Variants in RFC2 observed in about 807,000 individuals in gnomAD.
The protein encoded by RFC2 is replication factor C subunit 2.
RFC2 carries 34 observed loss-of-function variants against 44.8 expected under a neutral mutation model. The observed-to-expected ratio is 0.76, with a 90% CI of 0.58 to 1.01. The LOEUF (loss-of-function observed/expected upper bound fraction) is 1.01, where lower values mean the gene tolerates loss of function less well. Ranked by LOEUF, RFC2 falls within the 50% of genes least tolerant of loss-of-function variation. The probability of loss-of-function intolerance (pLI) is 0.00; values close to 1 mark genes in which losing one functional copy is unlikely to be tolerated. For synonymous variants in RFC2, 177 were observed against 168.9 expected (o/e 1.05, Z -0.37); for missense variants, 400 against 453.6 (o/e 0.88, Z 1.07).
chr7:74,249,908 T>TA, intron 2 of RFC2, 128 bp from the exon 3 acceptor site: 1 of 812,714 alleles, frequency 1.2e-6, no homozygotes, highest in Non-Finnish European at 2.1e-6. Flanking sequence ...CCTGTAATCC[T>TA]AGCAGTTTGG....
intron 5 of RFC2, 62 bp downstream of exon 5, chr7:74,246,600 G>A (rs1803625357): frequency 4.3e-6 from 5 of 1,154,162 alleles, no homozygotes. Context: ...TATCCTGATT[G>A]AATAAAACCG....
rs1045904140 is a variant in RFC2 at position 74,238,265 on chromosome 7, T to C, written c.759+658A>G. ...TAAGAAACAGCTATAGGCTGAAAGC[T>C]TGGACAGCCCTTCCCAGTTTCTTCC... On this transcript the variant is annotated intron_variant, in intron 8 of 10. Transcript: ENST00000055077. The surrounding 1 kb of genome is among the most constrained non-coding windows in gnomAD (Gnocchi z 4.0). 1.3e-5 allele frequency among the ~76,000 whole-genome samples: 2 copies of C among 152,146 alleles called. No homozygotes were observed. Among genetic ancestry groups the C allele is most frequent in the Admixed American group, 1.3e-4 (2 of 15,264 alleles).
chr7:74,252,640 G>T, intron 1 of RFC2, 142 bp from the exon 2 acceptor site: 1 of 641,284 alleles, frequency 1.6e-6, no homozygotes. Flanking sequence ...AGTTTTAAAT[G>T]TAATAAGATG....
chr7:74,252,480 T>A lies in RFC2; in HGVS notation c.132A>T (p.Pro44=). 4.4e-6 allele frequency: 7 copies of A among 1,603,984 alleles called. No homozygotes were observed. The highest frequency in any genetic ancestry group is 6.0e-6 in the Non-Finnish European group (7 of 1,171,208). The change falls in exon 2 of 11, where the codon CCA becomes CCT. Residue 44 remains proline, a synonymous_variant. Transcript: ENST00000055077. Reference sequence around the variant, plus strand: ...TCCCGACAATTTCATTCAGCTTTACTGGCCTATATTTTTCAACCCTGTTAA... The same window carrying A: ...TCCCGACAATTTCATTCAGCTTTACAGGCCTATATTTTTCAACCCTGTTAA... ...YELPWVEKYR[P]VKLNEIVGNE...
At chr7:74,252,542 A>T in intron 1 of RFC2, 44 bp from the exon 2 acceptor site, 3 of 1,135,176 alleles carry the variant, frequency 2.6e-6, no homozygotes, top group Non-Finnish European at 4.0e-6. Flanking sequence ...TTATCTTCAC[A>T]CTACCCCACA....
At chr7:74,249,811 A>C (rs1554720762) in intron 2 of RFC2, 31 bp from the exon 3 acceptor site, 2 of 1,598,088 alleles carry the variant, frequency 1.3e-6, no homozygotes, top group Non-Finnish European at 1.7e-6. Flanking sequence ...AAAACCGGTT[A>C]AAACTTGCTT....
Position 74,246,776 on chromosome 7 carries a change from C to T in RFC2, c.333-13G>A. ...AACGTCAATGCCCCTGAAAGAATGA[C>T]AGGTTTTTACTGGCACCTTCTGAGA... is the stretch of plus-strand genomic sequence containing the variant. On this transcript the variant is annotated splice_polypyrimidine_tract_variant and intron_variant, in intron 4 of 10. Transcript: ENST00000055077. 2 of 1,576,206 alleles carry T rather than the reference C, an allele frequency of 1.3e-6. No individual in the cohort carries two copies. Among genetic ancestry groups the T allele is most frequent in the Non-Finnish European group, 1.7e-6 (2 of 1,147,164 alleles).
chr7:74,239,798 C>T (rs1289260865), intron 7 of RFC2, 140 bp downstream of exon 7: 12 of 764,072 alleles, frequency 1.6e-5, no homozygotes, highest in African/African-American at 3.5e-5. Flanking sequence ...AGCTAGACAG[C>T]CCACTGTCCC....
At position 74,232,118 on chromosome 7, in the gene RFC2, C is replaced by T. The variant is rs1171076584; in HGVS notation, c.1053G>A (p.Pro351=). 26 of 1,603,440 alleles carry T rather than the reference C, an allele frequency of 1.6e-5. No individual in the cohort carries two copies. Among genetic ancestry groups the T allele is most frequent in the South Asian group, 1.1e-4 (10 of 90,856 alleles). ...LARLCQKTMA[P]VAS is the part of the protein sequence containing the mutation. ...TGAAGTCTCTGCTCTAACTGGCCAC[C>T]GGGGCCATTGTCTTCTGACACAGCC... The change falls in exon 11 of 11, where the codon CCG becomes CCA. Residue 351 remains proline, a synonymous_variant. Transcript: ENST00000055077.
chr7:74,246,975 C>CT (rs539672967), intron 4 of RFC2, among the ~76,000 whole-genome samples: 260 of 135,014 alleles, frequency 1.9e-3, no homozygotes, highest in Non-Finnish European at 2.1e-3. Context: ...AAAATATACA[C>CT]TTTTTTTTTT....
chr7:74,254,366 G>A lies in RFC2; in HGVS notation c.18C>T (p.Val6=), dbSNP rs1474895213. 4 of 1,607,082 alleles carry A rather than the reference G, an allele frequency of 2.5e-6. No homozygotes were observed. The highest frequency in any genetic ancestry group is 3.4e-6 in the Non-Finnish European group (4 of 1,176,802). MEVEA[V]CGGAGEVEAQ... is the part of the protein sequence containing the mutation. ...CCTCCACCTCGCCCGCGCCACCACAGACGGCCTCCACCTCCATTCTCGCGC... is the reference window on the plus strand; with the variant it reads ...CCTCCACCTCGCCCGCGCCACCACAAACGGCCTCCACCTCCATTCTCGCGC... The change falls in exon 1 of 11, where the codon GTC becomes GTT. Residue 6 remains valine (V), a synonymous_variant. Transcript: ENST00000055077.
intron 10 of RFC2, chr7:74,234,014 C>T (rs1802873178): frequency 9.4e-6 from 4 of 426,616 alleles, no homozygotes; most frequent in South Asian, 5.0e-5. Context: ...CAAATGTTTA[C>T]ACTGGCTTTA....
Position 74,238,669 on chromosome 7 carries a change from A to C in RFC2, c.759+254T>G, listed in dbSNP as rs1217585400. 1.3e-5 allele frequency among the ~76,000 whole-genome samples: 2 copies of C among 152,008 alleles called. No homozygotes were observed. The highest frequency in any genetic ancestry group is 2.9e-5 in the Non-Finnish European group (2 of 68,000). On this transcript the variant is annotated intron_variant, in intron 8 of 10. Coordinates refer to ENST00000055077, the MANE Select transcript of RFC2 (RefSeq NM_181471.3). The surrounding 1 kb of genome is among the most constrained non-coding windows in gnomAD (Gnocchi z 4.0). ...AATAAGACACGTCAGAAATTGCTCG[A>C]CCCTGGGTCTGATGCATCCGTGGTC...
intron 2 of RFC2, among the ~76,000 whole-genome samples, chr7:74,251,372 G>C (rs1163361531): frequency 1.3e-5 from 2 of 151,930 alleles, no homozygotes; most frequent in East Asian, 3.9e-4. Flanking sequence ...AAATTTTTTC[G>C]TAGAGACTGG....
rs369863681 is a variant in RFC2 at position 74,254,350 on chromosome 7, C to T, written c.34G>A (p.Glu12Lys). 15 of 1,609,714 alleles carry T rather than the reference C, an allele frequency of 9.3e-6. No individual in the cohort carries two copies. The African/African-American group carries it at 1.7e-4, about 19-fold the overall frequency. The change falls in exon 1 of 11, where the codon GAG (glutamate) becomes AAG (lysine). Residue 12 changes from glutamate (E) to lysine (K), a missense_variant. Glu to Lys is a moderately conservative substitution (Grantham distance 56, BLOSUM62 1). Coordinates refer to ENST00000055077, the MANE Select transcript of RFC2 (RefSeq NM_181471.3). ...GGGTCAGAGTCCTGGGCCTCCACCT[C>T]GCCCGCGCCACCACAGACGGCCTCC... ...EVEAVCGGAGEVEAQDSDPAP... is the reference protein window; with the variant it reads ...EVEAVCGGAGKVEAQDSDPAP...
At chr7:74,247,507 G>A (rs918850653) in intron 4 of RFC2, among the ~76,000 whole-genome samples, 4 of 152,188 alleles carry the variant, frequency 2.6e-5, no homozygotes, top group African/African-American at 7.2e-5. Flanking sequence ...GGGCGTGCCC[G>A]CGCACGCCTG....
At chr7:74,254,149 C>A (rs777517708) in intron 1 of RFC2, 122 bp downstream of exon 1, 1 of 739,468 alleles carries the variant, frequency 1.4e-6, no homozygotes, top group Non-Finnish European at 2.4e-6. Context: ...CACCCGGGGC[C>A]TCCTCCTCCC....
intron 2 of RFC2, among the ~76,000 whole-genome samples, chr7:74,251,162 T>C (rs112027477): frequency 6.6e-6 from 1 of 152,104 alleles, no homozygotes; most frequent in African/African-American, 2.4e-5. Context: ...CTCTTTTTGT[T>C]TCTCAAAGTA....
At chr7:74,248,584 C>G (rs986571639) in intron 4 of RFC2, among the ~76,000 whole-genome samples, 4 of 151,934 alleles carry the variant, frequency 2.6e-5, no homozygotes, top group Non-Finnish European at 5.9e-5. Context: ...TCACTGTAAC[C>G]TCCTTCTCCT....
Sources: gnomAD v4.1 joint callset for allele counts (sites outside exome capture counted in the v4.1 genomes callset) on GRCh38, gnomAD v4.1.1 for gene constraint, Gnocchi (gnomAD v3.1) non-coding constraint, MANE v1.5 for transcripts, NCBI Gene and HGNC (gene_info 2026-07-23, HGNC 2026-07-21) for gene names.